The following PLCG2 variants were observed in gnomAD, a reference collection of about 807,000 sequenced individuals.
PLCG2 encodes 1-phosphatidylinositol 4,5-bisphosphate phosphodiesterase gamma-2.
PLCG2 carries 69 observed loss-of-function variants against 175.6 expected under a neutral mutation model. The ratio of observed to expected loss-of-function variants is 0.39; its 90% CI spans 0.32 to 0.48. PLCG2 has a LOEUF of 0.48. Among genes scored for constraint, PLCG2 ranks in the 20% least tolerant of loss-of-function variants. The pLI, the probability that PLCG2 is intolerant of heterozygous loss-of-function variation, is 0.91. For missense variants in PLCG2, 1,798 were observed against 1,650.9 expected (o/e 1.09, Z -1.54); for synonymous variants, 827 against 624.0 (o/e 1.33, Z -4.85).
At chr16:81,824,607 A>C (rs1198257018) in intron 2 of PLCG2, among the ~76,000 whole-genome samples, 1 of 152,180 alleles carries the variant, frequency 6.6e-6, no homozygotes, top group Non-Finnish European at 1.5e-5. Context: ...CTGGTGAGAT[A>C]ACGGGGTGTG....
intron 2 of PLCG2, among the ~76,000 whole-genome samples, chr16:81,830,062 A>G (rs1258267440): frequency 2.0e-5 from 3 of 151,970 alleles, no homozygotes; most frequent in Non-Finnish European, 2.9e-5. Context: ...GCTCATGCCT[A>G]TAATCTCAGC....
chr16:81,799,157 A>G (rs1448243107), intron 2 of PLCG2, among the ~76,000 whole-genome samples: 2 of 152,228 alleles, frequency 1.3e-5, no homozygotes, highest in Admixed American at 6.5e-5. Context: ...CCCTCATTAT[A>G]GAAGTACTAT....
chr16:81,817,723 C>T (rs528664181), intron 2 of PLCG2, among the ~76,000 whole-genome samples: 3 of 152,332 alleles, frequency 2.0e-5, no homozygotes, highest in South Asian at 2.1e-4. Context: ...CAGACTCAAG[C>T]GACCCCCATG....
chr16:81,918,583 A>C (rs1026043090), intron 19 of PLCG2, among the ~76,000 whole-genome samples: 1 of 152,046 alleles, frequency 6.6e-6, no homozygotes, highest in East Asian at 1.9e-4. Flanking sequence ...TTTCTTGGCT[A>C]TCTATTCTGT....
intron 2 of PLCG2, among the ~76,000 whole-genome samples, chr16:81,822,214 C>T (rs1904830117): frequency 6.6e-6 from 1 of 151,912 alleles, no homozygotes; most frequent in Non-Finnish European, 1.5e-5. Flanking sequence ...GGAAGATGTT[C>T]CAAAACTGTC....
At chr16:81,740,482 C>T (rs1405022137) in intron 1 of PLCG2, 3 of 152,288 alleles carry the variant, frequency 2.0e-5, no homozygotes, top group Non-Finnish European at 2.9e-5. Flanking sequence ...TGGCTCACAC[C>T]TGTAATCCCA....
At chr16:81,896,365 AACAC>A (rs57375866) in intron 13 of PLCG2, among the ~76,000 whole-genome samples, 1,228 of 121,032 alleles carry the variant, frequency 0.01, 11 homozygotes, top group African/African-American at 0.017. Context: ...TCTCTACCAA[AACAC>A]ACACACACAC....
intron 2 of PLCG2, among the ~76,000 whole-genome samples, chr16:81,823,869 TTC>T (rs1295176071): frequency 2.0e-5 from 3 of 151,822 alleles, no homozygotes; most frequent in Non-Finnish European, 4.4e-5. Flanking sequence ...TTCTTTTCTT[TTC>T]TTTTTTCTTC....
At chr16:81,773,252 G>A (rs542183023) in intron 2 of PLCG2, among the ~76,000 whole-genome samples, 6 of 152,198 alleles carry the variant, frequency 3.9e-5, no homozygotes, top group South Asian at 4.1e-4. Flanking sequence ...GGAAATAATC[G>A]GTGTCCCTGT....
chr16:81,866,874 G>C (rs1907266345), intron 5 of PLCG2, among the ~76,000 whole-genome samples: 3 of 152,222 alleles, frequency 2.0e-5, no homozygotes, highest in Non-Finnish European at 4.4e-5. Flanking sequence ...CCCTGGCCCA[G>C]CTGTTCCTTG....
Position 81,910,616 on chromosome 16 carries a change from C to G in PLCG2, c.1830C>G (p.Ile610Met). ...YLTDNLTFSS[I>M]YALIQHYRET... The stretch of plus-strand genomic sequence containing the variant: ...CTGACAACCTCACCTTCAGCAGCAT[C>G]TATGCCCTCATCCAGCACTACCGCG... Residue 610 changes from isoleucine (I) to methionine (M), a missense_variant, in exon 18 of 33, where the codon ATC becomes ATG. Ile to Met is a conservative substitution (Grantham distance 10). Transcript: ENST00000564138. 1 of 1,614,142 alleles carries G rather than the reference C, an allele frequency of 6.2e-7. No individual in the cohort carries two copies. The highest frequency in any genetic ancestry group is 2.2e-5 in the East Asian group (1 of 44,890).
intron 30 of PLCG2, among the ~76,000 whole-genome samples, chr16:81,945,751 T>TTTAAAGA (rs1171389104): frequency 6.6e-6 from 1 of 152,190 alleles, no homozygotes; most frequent in Non-Finnish European, 1.5e-5. Context: ...ATTGGAAATC[T>TTTAAAGA]TTAAAGATAA....
intron 2 of PLCG2, among the ~76,000 whole-genome samples, chr16:81,850,125 G>A (rs1906331339): frequency 1.3e-5 from 2 of 152,276 alleles, no homozygotes. Flanking sequence ...TAAGATGTAT[G>A]CATTTTATTT....
chr16:81,831,327 T>C (rs1335664078), intron 2 of PLCG2, among the ~76,000 whole-genome samples: 1 of 152,188 alleles, frequency 6.6e-6, no homozygotes, highest in African/African-American at 2.4e-5. Context: ...ACCTACTCTT[T>C]GTTGACCTAA....
At chr16:81,916,145 T>C (rs1385258771) in intron 19 of PLCG2, among the ~76,000 whole-genome samples, 2 of 152,146 alleles carry the variant, frequency 1.3e-5, no homozygotes, top group East Asian at 3.8e-4. Context: ...TCTGTTTTTT[T>C]AGAAGGAATA....
chr16:81,943,854 G>C (rs1369489282), intron 30 of PLCG2, among the ~76,000 whole-genome samples: 1 of 152,100 alleles, frequency 6.6e-6, no homozygotes, highest in Non-Finnish European at 1.5e-5. Context: ...AACCCTACCA[G>C]GAAATGAGTG....
intron 9 of PLCG2, among the ~76,000 whole-genome samples, chr16:81,888,491 T>G (rs561292453): frequency 6.6e-6 from 1 of 152,332 alleles, no homozygotes; most frequent in Admixed American, 6.5e-5. Context: ...CCTACCAAAG[T>G]GGGTCTGAGC....
At chr16:81,953,213 G>C (rs1911436866) in intron 31 of PLCG2, among the ~76,000 whole-genome samples, 1 of 152,230 alleles carries the variant, frequency 6.6e-6, no homozygotes, top group Admixed American at 6.5e-5. Context: ...TAAAGGTTCT[G>C]TGGGATCCCG....
At chr16:81,834,772 A>T (rs116045950) in intron 2 of PLCG2, among the ~76,000 whole-genome samples, 6 of 152,150 alleles carry the variant, frequency 3.9e-5, no homozygotes, top group Non-Finnish European at 8.8e-5. Context: ...GACGAGGACA[A>T]TCTCCTTTAA....
Sources: gnomAD v4.1 joint callset for allele counts (sites outside exome capture counted in the v4.1 genomes callset) on GRCh38, gnomAD v4.1.1 for gene constraint, MANE v1.5 for transcripts, NCBI Gene and HGNC (gene_info 2026-07-23, HGNC 2026-07-21) for gene names.